The following ITFG2 variants were observed in gnomAD, a reference collection of about 807,000 sequenced individuals.
ITFG2 encodes KICSTOR complex protein ITFG2.
ITFG2 carries 36 observed loss-of-function variants against 54.4 expected under a neutral mutation model. That is an observed-to-expected ratio of 0.66 (90% CI 0.51 to 0.87). The LOEUF (loss-of-function observed/expected upper bound fraction) is 0.87, where lower values mean the gene tolerates loss of function less well. Ranked by LOEUF, ITFG2 falls within the 40% of genes least tolerant of loss-of-function variation. The probability of loss-of-function intolerance (pLI) is 0.00; values close to 1 mark genes in which losing one functional copy is unlikely to be tolerated. For synonymous variants in ITFG2, 211 were observed against 225.4 expected, an observed-to-expected ratio of 0.94 and a Z score of 0.57; for missense variants, 524 against 576.7, an observed-to-expected ratio of 0.91 and a Z score of 0.94.
intron 2 of ITFG2, among the ~76,000 whole-genome samples, chr12:2,846,577 G>A (rs2098053999): frequency 6.6e-6 from 1 of 152,032 alleles, no homozygotes; most frequent in African/African-American, 2.4e-5. Flanking sequence ...GAGGTTGTTA[G>A]GCGTGTTTTC....
At chr12:2,816,844 G>T (rs1483765131) in intron 1 of ITFG2, among the ~76,000 whole-genome samples, 3 of 147,556 alleles carry the variant, frequency 2.0e-5, no homozygotes, top group Non-Finnish European at 4.4e-5. Flanking sequence ...GTTTCACCAT[G>T]TTGGCTAGGC....
chr12:2,857,334 A>T (rs1339272804), intron 2 of ITFG2: 1 of 438,792 alleles, frequency 2.3e-6, no homozygotes, highest in African/African-American at 2.0e-5. Flanking sequence ...GGAATGAAGC[A>T]CCTGTAACTG....
intron 4 of ITFG2, 170 bp downstream of exon 4, chr12:2,818,447 G>A (rs2153924084): frequency 7.2e-7 from 1 of 1,383,050 alleles, no homozygotes; most frequent in Non-Finnish European, 9.7e-7. Flanking sequence ...AATTGCCATA[G>A]TGAATAAATA....
intron 6 of ITFG2, 71 bp from the exon 7 acceptor site, chr12:2,821,191 A>G: frequency 1.7e-6 from 2 of 1,185,002 alleles, no homozygotes; most frequent in Non-Finnish European, 1.2e-6. Context: ...TTGCAGGGAT[A>G]GGGGTTACAA....
chr12:2,817,398 G>GT, intron 2 of ITFG2, 80 bp downstream of exon 2: 17 of 956,264 alleles, frequency 1.8e-5, no homozygotes, highest in East Asian at 2.5e-5. Context: ...GCCCCACACA[G>GT]GTGCTCACCC....
In ITFG2 at chr12:2,818,109, C is replaced by A. The variant is rs200862282; in HGVS notation, c.238C>A (p.Leu80Met). The A allele has an allele frequency of 6.2e-7, 1 of 1,614,010 alleles. No individual in the cohort carries two copies. The highest frequency in any genetic ancestry group is 8.5e-7 in the Non-Finnish European group (1 of 1,179,902). The change falls in exon 4 of 12, where the codon CTG (leucine) becomes ATG (methionine). Residue 80 changes from leucine (L) to methionine (M), a missense_variant. Leu to Met is a conservative substitution (Grantham distance 15). Transcript: ENST00000228799. Reference protein sequence around the residue: ...VGDVCNKGKNLLVAVSAEGWF... With the variant: ...VGDVCNKGKNMLVAVSAEGWF... The stretch of plus-strand genomic sequence containing the variant: ...ACTATACCTCTGTTTGTCCTAGAAC[C>A]TGTTGGTGGCAGTGAGTGCTGAAGG...
chr12:2,830,988 T>G (rs1240842652), downstream of ITFG2: 3 of 864,314 alleles, frequency 3.5e-6, no homozygotes, highest in Non-Finnish European at 4.9e-6. Flanking sequence ...ACCCTAGGAG[T>G]TTACCCTAGG....
At chr12:2,820,044 C>T in intron 4 of ITFG2, 42 bp from the exon 5 acceptor site, 1 of 1,571,840 alleles carries the variant, frequency 6.4e-7, no homozygotes, top group Middle Eastern at 1.7e-4. Context: ...GCGGGGGCTG[C>T]TCGTGGGACT....
downstream of ITFG2, chr12:2,828,099 C>T (rs1464723025): frequency 6.7e-7 from 1 of 1,503,078 alleles, no homozygotes; most frequent in East Asian, 2.3e-5. Context: ...GAGGGTTCCA[C>T]CCCATTAATC....
exon 3 of ITFG2, chr12:2,830,861 C>T (rs1294552905): frequency 6.2e-7 from 1 of 1,611,610 alleles, no homozygotes; most frequent in Non-Finnish European, 8.5e-7. Context: ...TGCGCGGCTG[C>T]TGGCTCCATC....
chr12:2,848,889 A>ACG (rs1431568173), intron 2 of ITFG2: 2 of 310,698 alleles, frequency 6.4e-6, no homozygotes, highest in East Asian at 1.6e-4. Flanking sequence ...ACACACACAC[A>ACG]CACACACACA....
intron 1 of ITFG2, among the ~76,000 whole-genome samples, chr12:2,816,488 C>T (rs1433280048): frequency 1.3e-5 from 2 of 151,866 alleles, no homozygotes; most frequent in Admixed American, 6.6e-5. Flanking sequence ...CGCCACCATG[C>T]CCGGCTAATT....
chr12:2,859,241 T>G, intron 3 of ITFG2: 5 of 1,613,710 alleles, frequency 3.1e-6, no homozygotes, highest in Non-Finnish European at 3.4e-6. Context: ...TGGGCCCCTC[T>G]GAGAAGAGCA....
chr12:2,826,466 C>T (rs1464373668), downstream of ITFG2: 1 of 152,148 alleles, frequency 6.6e-6, no homozygotes, highest in African/African-American at 2.4e-5. Context: ...ACGCAAGGCT[C>T]AGGGGCTCGG....
chr12:2,830,852 G>A, exon 3 of ITFG2: 1 of 1,612,758 alleles, frequency 6.2e-7, no homozygotes, highest in Non-Finnish European at 8.5e-7. Context: ...GGATCACACT[G>A]CGCGGCTGCT....
rs535471991 is a variant in ITFG2 at position 2,859,149 on chromosome 12, A to C, written n.621-385A>C. Reference sequence around the variant, plus strand: ...AATGGGTGTCTTAAAAGGTCCTCCCACTTCCTGGGAGTAGCTGAGCTGGGA... The same window carrying C: ...AATGGGTGTCTTAAAAGGTCCTCCCCCTTCCTGGGAGTAGCTGAGCTGGGA... On this transcript the variant is annotated intron_variant and non_coding_transcript_variant, in intron 3 of 3. Transcript: ENST00000537710. 3.3e-5 allele frequency: 53 copies of C among 1,606,544 alleles called. No individual in the cohort carries two copies. In the East Asian group the frequency reaches 1.1e-3, roughly 32 times the overall value.
chr12:2,827,051 G>T, downstream of ITFG2: 3 of 1,469,982 alleles, frequency 2.0e-6, no homozygotes, highest in Non-Finnish European at 2.7e-6. This position sits in a 1 kb window ranked among gnomAD's most constrained non-coding sequence, Gnocchi z 4.0. Context: ...AGAGGAATGC[G>T]GCCAGCTGGG....
At chr12:2,849,998 A>ATGTT (rs2098064943) in intron 2 of ITFG2, among the ~76,000 whole-genome samples, 1 of 152,188 alleles carries the variant, frequency 6.6e-6, no homozygotes, top group African/African-American at 2.4e-5. Context: ...TCTATGACTC[A>ATGTT]GCGCACTTTG....
intron 2 of ITFG2, chr12:2,855,409 G>T (rs750147047): frequency 7.6e-6 from 3 of 395,538 alleles, no homozygotes; most frequent in South Asian, 5.2e-5. Flanking sequence ...CTGAGCCCAC[G>T]TTTGGGAGGG....
Sources: gnomAD v4.1 joint callset for allele counts (sites outside exome capture counted in the v4.1 genomes callset) on GRCh38, gnomAD v4.1.1 for gene constraint, Gnocchi (gnomAD v3.1) non-coding constraint, MANE v1.5 for transcripts, NCBI Gene and HGNC (gene_info 2026-07-23, HGNC 2026-07-21) for gene names.